The following TGFBR3 variants were observed in gnomAD, a reference collection of about 807,000 sequenced individuals.
TGFBR3 encodes transforming growth factor beta receptor type 3.
A neutral mutation model predicts 87.9 loss-of-function variants in TGFBR3; 46 were observed. The ratio of observed to expected loss-of-function variants is 0.52; its 90% CI spans 0.41 to 0.67. The LOEUF is 0.67. Among genes scored for constraint, TGFBR3 ranks in the 30% least tolerant of loss-of-function variants. TGFBR3 has a pLI of 0.00. For missense variants in TGFBR3, 866 were observed against 1,041.9 expected (o/e 0.83, Z 2.32); for synonymous variants, 381 against 391.6 (o/e 0.97, Z 0.32).
chr1:91,899,728 T>C (rs1157945291), intron 1 of TGFBR3: 1 of 152,102 alleles, frequency 6.6e-6, no homozygotes, highest in African/African-American at 2.4e-5. Context: ...ATTAATTGAG[T>C]ATAGTTGTAG....
chr1:91,846,114 T>C (rs1677487498), intron 2 of TGFBR3, among the ~76,000 whole-genome samples: 1 of 152,228 alleles, frequency 6.6e-6, no homozygotes, highest in East Asian at 1.9e-4. Context: ...GAAAACAATA[T>C]AGCCACAAGC....
chr1:91,731,274 C>T (rs987535776), intron 5 of TGFBR3, among the ~76,000 whole-genome samples: 1 of 152,144 alleles, frequency 6.6e-6, no homozygotes, highest in Non-Finnish European at 1.5e-5. Flanking sequence ...TCCCCCTCCC[C>T]ACTTGTGCAA....
chr1:91,765,908 T>C (rs567894686), intron 3 of TGFBR3, among the ~76,000 whole-genome samples: 1 of 151,074 alleles, frequency 6.6e-6, no homozygotes, highest in Non-Finnish European at 1.5e-5. Flanking sequence ...GTTTGCTTTT[T>C]ATATATATAT....
chr1:91,736,184 T>C (rs963603369), intron 4 of TGFBR3, among the ~76,000 whole-genome samples: 3 of 151,916 alleles, frequency 2.0e-5, no homozygotes, highest in Non-Finnish European at 2.9e-5. Flanking sequence ...AGCTGAAAAC[T>C]AGAATCACCT....
intron 2 of TGFBR3, among the ~76,000 whole-genome samples, chr1:91,814,866 T>C (rs1676159742): frequency 6.6e-6 from 1 of 152,194 alleles, no homozygotes; most frequent in South Asian, 2.1e-4. Flanking sequence ...AGTAAACATA[T>C]ACCCGGCTGC....
In TGFBR3 at chr1:91,736,929, G is replaced by A. The variant is rs1036506170; in HGVS notation, c.385-1970C>T. Among the ~76,000 whole-genome samples the A allele has an allele frequency of 7.2e-5, 11 of 152,180 alleles. No individual in the cohort carries two copies. In the South Asian group the frequency reaches 1.0e-3, roughly 14 times the overall value. The stretch of plus-strand genomic sequence containing the variant: ...GAGTACGTTTTTCAGAGCGGAAAGC[G>A]GGATGTCACACTGGTGCATTCCAGA... On this transcript the variant is annotated intron_variant, in intron 4 of 16. Coordinates refer to ENST00000212355, the MANE Select transcript of TGFBR3 (RefSeq NM_003243.5).
rs549664458 is a variant in TGFBR3, at chr1:91,740,741, A to G, written c.385-5782T>C. Among the ~76,000 whole-genome samples, 9 of 152,164 alleles carry G rather than the reference A, an allele frequency of 5.9e-5. No individual in the cohort carries two copies. In the South Asian group the frequency reaches 1.2e-3, roughly 21 times the overall value. Reference sequence around the variant, plus strand: ...TATCATTTGCTGAAATGAAGACAAGATATTTCCAGGTCATTCCTCTAGTCT... The same window carrying G: ...TATCATTTGCTGAAATGAAGACAAGGTATTTCCAGGTCATTCCTCTAGTCT... On this transcript the variant is annotated intron_variant, in intron 4 of 16. Transcript: ENST00000212355.
intron 3 of TGFBR3, among the ~76,000 whole-genome samples, chr1:91,762,710 A>G (rs1674016198): frequency 6.6e-6 from 1 of 152,210 alleles, no homozygotes; most frequent in Non-Finnish European, 1.5e-5. Flanking sequence ...TACATTGCTG[A>G]TTCTTCCCCT....
At chr1:91,706,932 C>T (rs1671818359) in intron 14 of TGFBR3, among the ~76,000 whole-genome samples, 1 of 152,208 alleles carries the variant, frequency 6.6e-6, no homozygotes, top group South Asian at 2.1e-4. Flanking sequence ...TATATAAAGA[C>T]TGGGTCTATT....
intron 1 of TGFBR3, among the ~76,000 whole-genome samples, chr1:91,865,929 A>C (rs945867121): frequency 5.3e-4 from 81 of 151,658 alleles, no homozygotes; most frequent in Non-Finnish European, 1.2e-4. Flanking sequence ...AAAAAAAAAA[A>C]AGAAAATTCT....
intron 3 of TGFBR3, among the ~76,000 whole-genome samples, chr1:91,787,943 G>GGAAAAAAAA (rs945269870): frequency 7.5e-6 from 1 of 133,314 alleles, no homozygotes; most frequent in African/African-American, 3.1e-5. Flanking sequence ...GTCTCACGGG[G>GGAAAAAAAA]AAAAAAAAAA....
At chr1:91,820,648 T>C (rs1201148269) in intron 2 of TGFBR3, among the ~76,000 whole-genome samples, 1 of 152,182 alleles carries the variant, frequency 6.6e-6, no homozygotes, top group Admixed American at 6.5e-5. Flanking sequence ...ATTGCACCAC[T>C]GCACTCCAGC....
At chr1:91,717,368 T>C (rs1261532178) in intron 10 of TGFBR3, among the ~76,000 whole-genome samples, 1 of 152,214 alleles carries the variant, frequency 6.6e-6, no homozygotes. Context: ...CTATGGTGTA[T>C]GGATGTGGAA....
rs17881335 is a variant in TGFBR3 at position 91,901,166 on chromosome 1, T to C, written c.-174-1469A>G. 4.3e-3 allele frequency among the ~76,000 whole-genome samples: 653 copies of C among 152,356 alleles called. 3 individuals are homozygous for C. The highest frequency in any genetic ancestry group is 0.015 in the African/African-American group (604 of 41,586). On this transcript the variant is annotated intron_variant, in intron 1 of 17. Transcript: ENST00000370399. ...TCCTCATCCTCACCAACACTTGTTA[T>C]TTTCTGTGGGTTTTGTTTGTTTTTA...
chr1:91,895,062 G>A (rs762498300), intron 2 of TGFBR3, among the ~76,000 whole-genome samples: 9 of 151,918 alleles, frequency 5.9e-5, no homozygotes, highest in Admixed American at 1.3e-4. Flanking sequence ...GAGCCACCGC[G>A]CCCAGCTGAG....
In TGFBR3 at chr1:91,861,330, G is replaced by A; in HGVS notation, c.61+141C>T. On this transcript the variant is annotated intron_variant, in intron 2 of 16. Coordinates refer to ENST00000212355, the MANE Select transcript of TGFBR3 (RefSeq NM_003243.5). Reference sequence around the variant, plus strand: ...TGGGAGGATCGCTTAAGCCCAGGAGGTAGAGCCTACAGTAAGCCATGATTA... The same window carrying A: ...TGGGAGGATCGCTTAAGCCCAGGAGATAGAGCCTACAGTAAGCCATGATTA... 4.3e-6 allele frequency: 3 copies of A among 700,318 alleles called. No individual in the cohort carries two copies. In the South Asian group the frequency reaches 4.6e-5, roughly 11 times the overall value. The allele number at this position is 700,318 out of a possible 1,614,324, so 43.4% of individuals were successfully genotyped here. A position where few individuals can be genotyped will look rare whatever the true frequency, so the allele number is the denominator to read the frequency against.
intron 2 of TGFBR3, among the ~76,000 whole-genome samples, chr1:91,847,603 CAAA>C (rs57534144): frequency 2.7e-4 from 24 of 88,246 alleles, no homozygotes; most frequent in African/African-American, 5.0e-4. Flanking sequence ...AACTCCATCT[CAAA>C]AAAAAAAAAA....
At chr1:91,697,647 C>G (rs1424518381) in intron 15 of TGFBR3, among the ~76,000 whole-genome samples, 2 of 152,210 alleles carry the variant, frequency 1.3e-5, no homozygotes, top group Non-Finnish European at 2.9e-5. Flanking sequence ...AGCCCTTGCA[C>G]TACGGATTGT....
chr1:91,757,586 C>T (rs1299335645), intron 4 of TGFBR3, among the ~76,000 whole-genome samples: 2 of 152,158 alleles, frequency 1.3e-5, no homozygotes, highest in Admixed American at 1.3e-4. Context: ...TTTCTAACTC[C>T]TTTGCTCCTT....
Sources: allele counts gnomAD v4.1 joint callset (sites outside exome capture counted in the v4.1 genomes callset), GRCh38; gene constraint gnomAD v4.1.1; transcripts MANE v1.5; gene names NCBI Gene and HGNC (gene_info 2026-07-23, HGNC 2026-07-21).